Variants in SH3BGR observed in about 807,000 individuals in gnomAD.
The protein encoded by SH3BGR is SH3 domain binding glutamate rich protein.
A neutral mutation model predicts 24.5 loss-of-function variants in SH3BGR; 29 were observed. The ratio of observed to expected loss-of-function variants is 1.18; its 90% CI spans 0.88 to 1.61. SH3BGR has a LOEUF of 1.61. Among genes scored for constraint, SH3BGR ranks in the 40% most tolerant of loss-of-function variants. The probability of loss-of-function intolerance (pLI) is 0.00; values close to 1 mark genes in which losing one functional copy is unlikely to be tolerated. For synonymous variants in SH3BGR, 55 were observed against 65.7 expected (o/e 0.84, Z 0.79); for missense variants, 162 against 205.8 (o/e 0.79, Z 1.30).
chr21:39,479,303 C>CATGGTGGTG (rs1302076895), intron 3 of SH3BGR, among the ~76,000 whole-genome samples: 25 of 113,268 alleles, frequency 2.2e-4, no homozygotes, highest in Middle Eastern at 6.8e-3. Flanking sequence ...TGGTAATGGT[C>CATGGTGGTG]ATGGTGGTGA....
intron 1 of SH3BGR, among the ~76,000 whole-genome samples, chr21:39,459,486 G>A (rs1006633433): frequency 4.6e-5 from 7 of 152,166 alleles, no homozygotes; most frequent in African/African-American, 1.7e-4. Flanking sequence ...GCCTCCCAAA[G>A]TGCTGGGATT....
chr21:39,469,553 A>G (rs1300108734), intron 2 of SH3BGR, among the ~76,000 whole-genome samples: 2 of 150,984 alleles, frequency 1.3e-5, no homozygotes, highest in Non-Finnish European at 3.0e-5. Flanking sequence ...TTTCTTCTCT[A>G]ATGTCAATAT....
At chr21:39,451,913 T>G, upstream of SH3BGR, 1 of 1,613,992 alleles carries the variant, frequency 6.2e-7, no homozygotes, top group Non-Finnish European at 8.5e-7. Flanking sequence ...CCAAGATGCC[T>G]CTGCTGCTCC....
intron 2 of SH3BGR, among the ~76,000 whole-genome samples, chr21:39,472,187 G>A (rs2077952067): frequency 6.6e-6 from 1 of 152,282 alleles, no homozygotes; most frequent in Admixed American, 6.5e-5. Context: ...AGACTGGGTA[G>A]TTTATAAACA....
chr21:39,500,697 CTA>C (rs1201847228), intron 4 of SH3BGR, among the ~76,000 whole-genome samples: 1 of 152,128 alleles, frequency 6.6e-6, no homozygotes, highest in Non-Finnish European at 1.5e-5. Flanking sequence ...GTAGCAAAGA[CTA>C]TTTTTCAAAC....
At chr21:39,502,391 G>T (rs1458582583) in intron 4 of SH3BGR, among the ~76,000 whole-genome samples, 1 of 152,138 alleles carries the variant, frequency 6.6e-6, no homozygotes, top group Non-Finnish European at 1.5e-5. Context: ...TCCTGGCTCC[G>T]TTGAAACCAT....
upstream of SH3BGR, among the ~76,000 whole-genome samples, chr21:39,450,234 T>C (rs2077557869): frequency 6.6e-6 from 1 of 152,256 alleles, no homozygotes; most frequent in Non-Finnish European, 1.5e-5. Flanking sequence ...CTTGGTGTGC[T>C]TTAAAATAAA....
At chr21:39,504,254 C>A (rs952643206) in intron 4 of SH3BGR, among the ~76,000 whole-genome samples, 1 of 152,180 alleles carries the variant, frequency 6.6e-6, no homozygotes, top group Non-Finnish European at 1.5e-5. Context: ...TTTCAAGGGG[C>A]AAACATTGAT....
intron 1 of SH3BGR, among the ~76,000 whole-genome samples, chr21:39,458,481 A>G (rs1240785802): frequency 6.6e-6 from 1 of 151,426 alleles, no homozygotes; most frequent in East Asian, 1.9e-4. Context: ...GGGATTACAG[A>G]TGCGTGCCAC....
In SH3BGR at chr21:39,452,041, G is replaced by A. The variant is rs758090155; in HGVS notation, c.-56G>A. 6.2e-7 allele frequency: 1 copy of A among 1,614,150 alleles called. No individual in the cohort carries two copies. The highest frequency in any genetic ancestry group is 1.1e-5 in the South Asian group (1 of 91,084). On this transcript the variant is annotated 5_prime_UTR_variant, in exon 1 of 7. Transcript: ENST00000333634. ...CTGTGTCACTGTCAGGATTTGTCTAGCGGCGCATTCCCTGACAGGGGTGTG... is the reference window on the plus strand; with the variant it reads ...CTGTGTCACTGTCAGGATTTGTCTAACGGCGCATTCCCTGACAGGGGTGTG...
chr21:39,462,141 AC>A (rs2077765693), intron 1 of SH3BGR, among the ~76,000 whole-genome samples: 1 of 152,088 alleles, frequency 6.6e-6, no homozygotes. Context: ...GAGCCATCGC[AC>A]CCAGCCTGAT....
In SH3BGR at chr21:39,475,167, G is replaced by T; in HGVS notation, c.264G>T (p.Glu88Asp). 1 of 1,612,338 alleles carries T rather than the reference G, an allele frequency of 6.2e-7. No homozygotes were observed. Reference protein sequence around the residue: ...DFDSFFSAKEENIIYSFLGLA... With the variant: ...DFDSFFSAKEDNIIYSFLGLA... ...ACTCTTTCTTCTCTGCAAAAGAAGA[G>T]AATATTATTTATTCCTTCCTTGGTT... is the stretch of plus-strand genomic sequence containing the variant. The change falls in exon 3 of 7, where the codon GAG (glutamate) becomes GAT (aspartate). Residue 88 changes from glutamate to aspartate, a missense_variant. Coordinates refer to ENST00000333634, the MANE Select transcript of SH3BGR (RefSeq NM_007341.3).
intron 2 of SH3BGR, among the ~76,000 whole-genome samples, chr21:39,474,281 G>C (rs2123382047): frequency 6.6e-6 from 1 of 152,216 alleles, no homozygotes; most frequent in East Asian, 1.9e-4. Context: ...TAAGCTTTTT[G>C]AACATACACT....
At position 39,508,993 on chromosome 21, in the gene SH3BGR, G is replaced by A; in HGVS notation, c.406-5G>A. 3 of 1,605,810 alleles carry A rather than the reference G, an allele frequency of 1.9e-6. No individual in the cohort carries two copies. The highest frequency in any genetic ancestry group is 1.7e-5 in the Admixed American group (1 of 59,396). Reference sequence around the variant, plus strand: ...TTTTCTTTAATTTTGATTTATGGATGTAAGGAAGAAGAAGGAGAGACAGCC... The same window carrying A: ...TTTTCTTTAATTTTGATTTATGGATATAAGGAAGAAGAAGGAGAGACAGCC... On this transcript the variant is annotated splice_region_variant and splice_polypyrimidine_tract_variant and intron_variant, in intron 4 of 6. Transcript: ENST00000333634.
intron 1 of SH3BGR, among the ~76,000 whole-genome samples, chr21:39,455,431 G>T (rs114115530): frequency 1.1e-3 from 161 of 152,304 alleles, no homozygotes; most frequent in African/African-American, 3.4e-3. Context: ...AGGGGGAGAG[G>T]TGAAGAGTAG....
At chr21:39,489,492 A>G (rs1000193512) in intron 3 of SH3BGR, among the ~76,000 whole-genome samples, 3 of 152,204 alleles carry the variant, frequency 2.0e-5, no homozygotes, top group African/African-American at 7.2e-5. Flanking sequence ...GCCCACTTCC[A>G]TCCTGCTCTT....
At chr21:39,454,853 G>A (rs2077630004) in intron 1 of SH3BGR, among the ~76,000 whole-genome samples, 1 of 152,208 alleles carries the variant, frequency 6.6e-6, no homozygotes, top group Admixed American at 6.5e-5. Context: ...ATGGTAGTGT[G>A]CTATGTGGTG....
chr21:39,502,285 C>T (rs1018225273), intron 4 of SH3BGR, among the ~76,000 whole-genome samples: 2 of 152,188 alleles, frequency 1.3e-5, no homozygotes, highest in African/African-American at 2.4e-5. Context: ...CAAGGGAGAG[C>T]TCTGTGTGTT....
upstream of SH3BGR, among the ~76,000 whole-genome samples, chr21:39,447,261 G>A (rs903427762): frequency 5.3e-5 from 8 of 151,952 alleles, no homozygotes; most frequent in South Asian, 2.1e-4. Context: ...TTGCCATTGC[G>A]GGAGCATCCA....
Sources: allele counts gnomAD v4.1 joint callset (sites outside exome capture counted in the v4.1 genomes callset), GRCh38; gene constraint gnomAD v4.1.1; transcripts MANE v1.5; gene names NCBI Gene and HGNC (gene_info 2026-07-23, HGNC 2026-07-21).